Variants in MFSD8 observed in about 807,000 individuals in gnomAD.
The protein encoded by MFSD8 is major facilitator superfamily domain-containing protein 8.
A neutral mutation model predicts 66.4 loss-of-function variants in MFSD8; 55 were observed. The observed-to-expected ratio is 0.83, with a 90% CI of 0.67 to 1.04. The LOEUF (loss-of-function observed/expected upper bound fraction) is 1.04. MFSD8 is among the 50% of genes least tolerant of loss of function. MFSD8 has a pLI of 0.00. For missense variants in MFSD8, 550 were observed against 627.6 expected (o/e 0.88, Z 1.32); for synonymous variants, 202 against 212.8 (o/e 0.95, Z 0.44).
intron 11 of MFSD8, 147 bp from the exon 12 acceptor site, chr4:127,920,983 T>C: frequency 1.4e-6 from 1 of 719,920 alleles, no homozygotes; most frequent in Non-Finnish European, 2.3e-6. Context: ...ATGCCTCCTA[T>C]AAATATAGCA....
chr4:127,928,080 A>C (rs1737515437), intron 9 of MFSD8, among the ~76,000 whole-genome samples: 1 of 151,078 alleles, frequency 6.6e-6, no homozygotes, highest in African/African-American at 2.4e-5. Flanking sequence ...ATGAAATCTC[A>C]CTCTGTCACC....
intron 3 of MFSD8, among the ~76,000 whole-genome samples, chr4:127,944,724 G>A (rs921771510): frequency 3.3e-5 from 5 of 152,058 alleles, no homozygotes; most frequent in African/African-American, 7.2e-5. Context: ...GCAGTGGTCC[G>A]ATCACGGCTC....
chr4:127,951,519 C>T (rs1472373292), intron 2 of MFSD8, among the ~76,000 whole-genome samples: 2 of 152,048 alleles, frequency 1.3e-5, no homozygotes, highest in Non-Finnish European at 1.5e-5. Context: ...TTAGCCACTG[C>T]GCCCAGCCAT....
At chr4:127,934,487 A>G (rs1263482579) in intron 7 of MFSD8, 2 of 152,088 alleles carry the variant, frequency 1.3e-5, no homozygotes, top group African/African-American at 4.8e-5. Flanking sequence ...CTACTCATAT[A>G]TATTCATCAC....
At chr4:127,947,089 G>C (rs181186555) in intron 3 of MFSD8, among the ~76,000 whole-genome samples, 155 of 151,990 alleles carry the variant, frequency 1.0e-3, no homozygotes, top group African/African-American at 3.5e-3. Context: ...TGTTGTGAGG[G>C]ACAGTGAGAG....
In MFSD8 at chr4:127,963,988, C is replaced by G. The variant is rs182893239; in HGVS notation, c.62+1084G>C. ...ACAGAAAGGTTCTCCAAGGCCCCAC[C>G]AGAGTAGCTAGATACAGAGTGTCGA... On this transcript the variant is annotated intron_variant, in intron 1 of 11. Coordinates refer to ENST00000641686, the MANE Select transcript of MFSD8 (RefSeq NM_001371596.2). Among the ~76,000 whole-genome samples the G allele has an allele frequency of 1.2e-4, 18 of 152,238 alleles. No homozygotes were observed. In the East Asian group the frequency reaches 3.5e-3, roughly 29 times the overall value.
intron 3 of MFSD8, among the ~76,000 whole-genome samples, chr4:127,949,323 C>A (rs1266583454): frequency 6.6e-6 from 1 of 152,100 alleles, no homozygotes; most frequent in Admixed American, 6.6e-5. Context: ...TTCATGTCAC[C>A]CCCTCTTCCC....
At chr4:127,948,040 G>T (rs1741365509) in intron 3 of MFSD8, among the ~76,000 whole-genome samples, 1 of 151,992 alleles carries the variant, frequency 6.6e-6, no homozygotes, top group African/African-American at 2.4e-5. Flanking sequence ...GTGGTGCCAT[G>T]GTTTGAATGT....
chr4:127,965,698 G>T (rs551982253), upstream of MFSD8: 7 of 171,568 alleles, frequency 4.1e-5, no homozygotes, highest in African/African-American at 1.2e-4. Flanking sequence ...AGGGACCGGG[G>T]ACGCGGAGCT....
At chr4:127,965,808 G>C (rs1745144479), upstream of MFSD8, 1 of 155,148 alleles carries the variant, frequency 6.4e-6, no homozygotes, top group South Asian at 1.9e-4. Flanking sequence ...TAATGGGGGC[G>C]AGCGCGCGGG....
chr4:127,921,826 G>A (rs1736381639), intron 10 of MFSD8, 34 bp downstream of exon 10: 1 of 1,613,272 alleles, frequency 6.2e-7, no homozygotes, highest in Non-Finnish European at 8.5e-7. Flanking sequence ...ATAAATAACA[G>A]AGGTTAACAT....
rs1230652268 is a variant in MFSD8, at chr4:127,919,869, T to G, written c.*761A>C. 2.6e-5 allele frequency: 4 copies of G among 152,198 alleles called. No homozygotes were observed. The allele number at this position is 152,198 out of a possible 1,614,324, so 9.4% of individuals were successfully genotyped here. On this transcript the variant is annotated 3_prime_UTR_variant, in exon 12 of 12. Coordinates refer to ENST00000641686, the MANE Select transcript of MFSD8 (RefSeq NM_001371596.2). ...TATATAAAATAACACATATCTGGAT[T>G]ATGTTTCTAATGTGAATTTTTGGCA...
chr4:127,928,416 G>C (rs1021777764), intron 9 of MFSD8, among the ~76,000 whole-genome samples: 1 of 152,034 alleles, frequency 6.6e-6, no homozygotes, highest in Admixed American at 6.6e-5. Flanking sequence ...ACTGCACCAG[G>C]CCCTCAAAAT....
At chr4:127,962,862 A>G (rs1032604448) in intron 1 of MFSD8, among the ~76,000 whole-genome samples, 1 of 152,236 alleles carries the variant, frequency 6.6e-6, no homozygotes, top group African/African-American at 2.4e-5. Context: ...TAAATCGAGG[A>G]CCAGAGAAAT....
At chr4:127,930,856 C>T in intron 8 of MFSD8, 39 bp from the exon 9 acceptor site, 1 of 1,568,878 alleles carries the variant, frequency 6.4e-7, no homozygotes, top group Non-Finnish European at 8.7e-7. Context: ...ATTTAAATCA[C>T]AGTAACTGTT....
At chr4:127,963,732 C>T (rs1041277420) in intron 1 of MFSD8, among the ~76,000 whole-genome samples, 3 of 152,138 alleles carry the variant, frequency 2.0e-5, no homozygotes, top group Non-Finnish European at 4.4e-5. Flanking sequence ...CAAGATTTAT[C>T]GCAAAGAGCG....
In MFSD8 at chr4:127,960,501, G is replaced by A. The variant is rs958361867; in HGVS notation, c.63-2909C>T. Among the ~76,000 whole-genome samples, 20 of 152,132 alleles carry A rather than the reference G, an allele frequency of 1.3e-4. 1 individual carries two copies. Among genetic ancestry groups the A allele is most frequent in the Admixed American group, 9.2e-4 (14 of 15,258 alleles). On this transcript the variant is annotated intron_variant, in intron 1 of 11. Transcript: ENST00000641686. ...GCAGAGATTGTGCCACTGCACTCCA[G>A]CCTGGGCAACAGACAGTCTGTCTCA...
intron 9 of MFSD8, among the ~76,000 whole-genome samples, chr4:127,922,467 T>A (rs1427673348): frequency 3.3e-5 from 5 of 151,808 alleles, no homozygotes; most frequent in Non-Finnish European, 7.4e-5. Context: ...CTACAAAAAA[T>A]TTTAAAAATT....
At chr4:127,952,357 T>C (rs1478960606) in intron 2 of MFSD8, among the ~76,000 whole-genome samples, 2 of 151,838 alleles carry the variant, frequency 1.3e-5, no homozygotes, top group Non-Finnish European at 2.9e-5. Context: ...TGAGCAGAGA[T>C]TGCGCTACTG....
Sources: allele counts gnomAD v4.1 joint callset (sites outside exome capture counted in the v4.1 genomes callset), GRCh38; gene constraint gnomAD v4.1.1; transcripts MANE v1.5; gene names NCBI Gene and HGNC (gene_info 2026-07-23, HGNC 2026-07-21).